NCAM1: variants seen among roughly 807,000 people sequenced by gnomAD.
NCAM1 encodes antigen recognized by monoclonal antibody 5.1H11.
A neutral mutation model predicts 109.8 loss-of-function variants in NCAM1; 14 were observed. The observed-to-expected ratio is 0.13, with a 90% CI of 0.08 to 0.20. The LOEUF is 0.20. Among genes scored for constraint, NCAM1 ranks in the 10% least tolerant of loss-of-function variants. NCAM1 has a pLI of 1.00. For synonymous variants in NCAM1, 418 were observed against 442.9 expected, an observed-to-expected ratio of 0.94 and a Z score of 0.70; for missense variants, 774 against 1,109.9, an observed-to-expected ratio of 0.70 and a Z score of 4.30.
At chr11:113,256,331 A>G (rs1945833499) in intron 16 of NCAM1, among the ~76,000 whole-genome samples, 1 of 152,182 alleles carries the variant, frequency 6.6e-6, no homozygotes, top group Non-Finnish European at 1.5e-5. Flanking sequence ...ATACTAATAT[A>G]TAAGAATCCC....
intron 1 of NCAM1, among the ~76,000 whole-genome samples, chr11:113,016,146 G>A (rs946795002): frequency 6.6e-6 from 1 of 152,190 alleles, no homozygotes; most frequent in Non-Finnish European, 1.5e-5. Context: ...AGGAGGTTGA[G>A]TTCATGCAAA....
chr11:113,219,775 G>T (rs1944632154), intron 8 of NCAM1, among the ~76,000 whole-genome samples: 1 of 152,212 alleles, frequency 6.6e-6, no homozygotes, highest in Non-Finnish European at 1.5e-5. Flanking sequence ...TCTCTCAAAA[G>T]AAAGATCTTG....
intron 1 of NCAM1, among the ~76,000 whole-genome samples, chr11:113,141,456 C>G (rs1257971288): frequency 6.6e-6 from 1 of 152,120 alleles, no homozygotes; most frequent in Non-Finnish European, 1.5e-5. Flanking sequence ...ACGGTGAAAC[C>G]CTGTCTCTAG....
rs1394343928 is a variant in NCAM1 at position 113,236,152 on chromosome 11, T to C, written c.1825+988T>C. 4 of 808,098 alleles carry C rather than the reference T, an allele frequency of 4.9e-6. No individual in the cohort carries two copies. In the African/African-American group the frequency reaches 5.2e-5, roughly 11 times the overall value. The allele number at this position is 808,098 out of a possible 1,614,324, so 50.1% of individuals were successfully genotyped here. A position where few individuals can be genotyped will look rare whatever the true frequency, so the allele number is the denominator to read the frequency against. ...CTTCCTTCTACAGGAGTGGCTTCTT[T>C]CTCTGGATTTGAAGTAATTTGATAA... On this transcript the variant is annotated intron_variant, in intron 14 of 19. Coordinates refer to ENST00000316851, the MANE Select transcript of NCAM1 (RefSeq NM_181351.5).
chr11:113,231,558 T>C (rs1591440854), intron 9 of NCAM1, 87 bp from the exon 10 acceptor site: 1 of 1,342,034 alleles, frequency 7.5e-7, no homozygotes, highest in African/African-American at 1.4e-5. Context: ...GATGGCCTAG[T>C]CTCCCAGCCC....
chr11:113,198,222 G>A (rs1555111195), intron 1 of NCAM1, among the ~76,000 whole-genome samples: 1 of 152,096 alleles, frequency 6.6e-6, no homozygotes, highest in Non-Finnish European at 1.5e-5. Context: ...ACCCAGTCTT[G>A]AATCTTGACC....
intron 1 of NCAM1, among the ~76,000 whole-genome samples, chr11:113,123,826 C>A (rs1555096551): frequency 1.3e-5 from 2 of 152,178 alleles, no homozygotes; most frequent in African/African-American, 4.8e-5. Flanking sequence ...GCAGGCTGCC[C>A]CCTTGAGTAG....
chr11:113,264,287 CT>C (rs1946087310), intron 17 of NCAM1: 1 of 985,196 alleles, frequency 1.0e-6, no homozygotes, highest in Non-Finnish European at 1.2e-6. Context: ...TAGCCTTTCC[CT>C]TTGGGATTCC....
chr11:113,017,635 T>TTGTGTGTGTGTGTGTGTGTGTGTGTG (rs71698389), intron 1 of NCAM1, among the ~76,000 whole-genome samples: 3,947 of 145,068 alleles, frequency 0.027, 149 homozygotes, highest in Admixed American at 0.1. Flanking sequence ...CAGTACTGTT[T>TTGTGTGTGTGTGTGTGTGTGTGTGTG]TGTGTGTGTG....
At chr11:113,155,178 A>C (rs1345770108) in intron 1 of NCAM1, among the ~76,000 whole-genome samples, 1 of 152,224 alleles carries the variant, frequency 6.6e-6, no homozygotes, top group Non-Finnish European at 1.5e-5. Context: ...GGAAGAATTG[A>C]AAATGGTCAT....
rs201011708 is a variant in NCAM1 at position 113,276,835 on chromosome 11, A to AG, written c.*1456dup. On this transcript the variant is annotated 3_prime_UTR_variant, in exon 20 of 20. Coordinates refer to ENST00000316851, the MANE Select transcript of NCAM1 (RefSeq NM_181351.5). The stretch of plus-strand genomic sequence containing the variant: ...ATACAGAAACTTTAAGGGGGATGGG[A>AG]GGGGGGGGAGAAGGGAAAAGCCAGC... 0.034 allele frequency: 1,863 copies of AG among 54,108 alleles called. 15 individuals carry two copies. The highest frequency in any genetic ancestry group is 0.047 in the Non-Finnish European group (1,250 of 26,546). The allele number at this position is 54,108 out of a possible 1,614,324, so 3.4% of individuals were successfully genotyped here.
At chr11:113,168,423 A>G (rs1394617859) in intron 1 of NCAM1, among the ~76,000 whole-genome samples, 4 of 152,266 alleles carry the variant, frequency 2.6e-5, no homozygotes, top group Admixed American at 1.3e-4. Flanking sequence ...CCTCCCTGCT[A>G]GCTTGCACGG....
chr11:113,145,850 G>A (rs1375862738), intron 1 of NCAM1, among the ~76,000 whole-genome samples: 1 of 151,054 alleles, frequency 6.6e-6, no homozygotes, highest in Non-Finnish European at 1.5e-5. Flanking sequence ...AACCCTCTCC[G>A]GAGGCAGTTT....
intron 17 of NCAM1, 110 bp from the exon 18 acceptor site, chr11:113,270,078 C>A: frequency 5.9e-6 from 6 of 1,024,934 alleles, no homozygotes; most frequent in South Asian, 5.6e-5. Flanking sequence ...GGCATGAATG[C>A]CATGACTCTG....
intron 1 of NCAM1, among the ~76,000 whole-genome samples, chr11:113,121,699 C>A (rs1426960280): frequency 1.3e-5 from 2 of 152,100 alleles, no homozygotes; most frequent in Non-Finnish European, 2.9e-5. Context: ...GGTCAGACTT[C>A]ATGAGTTTCA....
chr11:113,166,548 G>A (rs1942805265), intron 1 of NCAM1, among the ~76,000 whole-genome samples: 1 of 152,194 alleles, frequency 6.6e-6, no homozygotes, highest in African/African-American at 2.4e-5. Context: ...AAAGATTGAT[G>A]TGATATGAAT....
At chr11:113,009,312 G>GTTTTTTTGTTGTTGTTTTTTTTT (rs1555073910) in intron 1 of NCAM1, among the ~76,000 whole-genome samples, 4 of 79,690 alleles carry the variant, frequency 5.0e-5, no homozygotes, top group East Asian at 5.2e-4. Context: ...GTTTTTTCGG[G>GTTTTTTTGTTGTTGTTTTTTTTT]TTTTTTTTTT....
intron 1 of NCAM1, among the ~76,000 whole-genome samples, chr11:113,159,090 A>T (rs1410206271): frequency 1.3e-5 from 2 of 152,222 alleles, no homozygotes; most frequent in East Asian, 1.9e-4. Context: ...TAGAGTAGTG[A>T]TTTAATCTTT....
intron 1 of NCAM1, among the ~76,000 whole-genome samples, chr11:113,186,292 G>C (rs189882369): frequency 7.9e-5 from 12 of 152,252 alleles, no homozygotes; most frequent in Admixed American, 7.8e-4. Context: ...ATAGAAGTGC[G>C]TGCGAGGGTT....
Sources: gnomAD v4.1 joint callset for allele counts (sites outside exome capture counted in the v4.1 genomes callset) on GRCh38, gnomAD v4.1.1 for gene constraint, MANE v1.5 for transcripts, NCBI Gene and HGNC (gene_info 2026-07-23, HGNC 2026-07-21) for gene names.